Variants in TNNI3K observed in about 807,000 individuals in gnomAD.
TNNI3K encodes TNNI3 interacting kinase.
A neutral mutation model predicts 114.5 loss-of-function variants in TNNI3K; 140 were observed. That is an observed-to-expected ratio of 1.22 (90% confidence interval 1.07 to 1.41). TNNI3K has a LOEUF of 1.41. Among genes scored for constraint, TNNI3K ranks in the 40% most tolerant of loss-of-function variants. The pLI is 0.00. For synonymous variants in TNNI3K, 347 were observed against 347.5 expected, an observed-to-expected ratio of 1.00 and a Z score of 0.02; for missense variants, 1,125 against 1,007.6, an observed-to-expected ratio of 1.12 and a Z score of -1.58.
chr1:74,321,260 T>G (rs1377284007), intron 5 of TNNI3K, among the ~76,000 whole-genome samples: 1 of 152,162 alleles, frequency 6.6e-6, no homozygotes, highest in Non-Finnish European at 1.5e-5. Flanking sequence ...GATGGTTAAC[T>G]GAACAACACA....
intron 23 of TNNI3K, among the ~76,000 whole-genome samples, chr1:74,496,604 G>T (rs1669337982): frequency 6.6e-6 from 1 of 151,918 alleles, no homozygotes; most frequent in South Asian, 2.1e-4. Context: ...TTGTATATTT[G>T]TTTCTAATTA....
At chr1:74,303,155 C>T (rs1658426621) in intron 5 of TNNI3K, among the ~76,000 whole-genome samples, 1 of 152,140 alleles carries the variant, frequency 6.6e-6, no homozygotes, top group South Asian at 2.1e-4. Flanking sequence ...GCCTGGATGA[C>T]AGCCCATCTG....
Position 74,331,649 on chromosome 1 carries a change from G to C in TNNI3K, c.543+101G>C, listed in dbSNP as rs1660212285. The C allele has an allele frequency of 2.7e-6, 3 of 1,098,516 alleles. No individual in the cohort carries two copies. In the African/African-American group the frequency reaches 4.8e-5, roughly 18 times the overall value. 68.0% of individuals were successfully genotyped at this position (1,098,516 alleles called of 1,614,324 possible). ...AAGAGTTTATATTTAAAATATATTT[G>C]AATTATTTTTGCCATATTCTCATCA... On this transcript the variant is annotated intron_variant, in intron 6 of 24. Transcript: ENST00000326637.
At chr1:74,242,346 T>C (rs1458277674) in intron 2 of TNNI3K, among the ~76,000 whole-genome samples, 1 of 152,272 alleles carries the variant, frequency 6.6e-6, no homozygotes, top group South Asian at 2.1e-4. Context: ...AATAAAAAAA[T>C]GTTTTCTGAG....
At chr1:74,413,305 A>C (rs184125038) in intron 17 of TNNI3K, among the ~76,000 whole-genome samples, 36 of 152,302 alleles carry the variant, frequency 2.4e-4, no homozygotes, top group African/African-American at 6.7e-4. Context: ...AACAACATTA[A>C]ATATAATTTA....
intron 15 of TNNI3K, 29 bp from the exon 16 acceptor site, chr1:74,369,362 T>C (rs750428270): frequency 8.7e-6 from 14 of 1,606,708 alleles, no homozygotes; most frequent in Admixed American, 1.7e-5. Context: ...ATCTGTTTAC[T>C]GAAGATTTTC....
At chr1:74,314,754 C>A (rs1020359490) in intron 5 of TNNI3K, among the ~76,000 whole-genome samples, 2 of 152,040 alleles carry the variant, frequency 1.3e-5, no homozygotes, top group African/African-American at 4.8e-5. Context: ...ATGTAATTGT[C>A]TTTGTTTCCT....
chr1:74,379,063 T>C (rs971910910), intron 17 of TNNI3K, among the ~76,000 whole-genome samples: 1 of 152,042 alleles, frequency 6.6e-6, no homozygotes, highest in African/African-American at 2.4e-5. Context: ...AAGCATGCTA[T>C]ATATGAATTA....
In TNNI3K at chr1:74,442,874, C is replaced by T. The variant is rs146015228; in HGVS notation, c.2011+3252C>T. 3.6e-3 allele frequency among the ~76,000 whole-genome samples: 542 copies of T among 152,098 alleles called. 3 individuals are homozygous for T. The highest frequency in any genetic ancestry group is 0.013 in the African/African-American group (520 of 41,488). ...ATTAAGAAACTCATTAAAAATCACACGACTACATGAAAATTCAAAACCTGC... is the reference window on the plus strand; with the variant it reads ...ATTAAGAAACTCATTAAAAATCACATGACTACATGAAAATTCAAAACCTGC... On this transcript the variant is annotated intron_variant, in intron 20 of 24. Transcript: ENST00000326637.
intron 4 of TNNI3K, among the ~76,000 whole-genome samples, chr1:74,260,686 T>A (rs1476556536): frequency 6.6e-6 from 1 of 152,116 alleles, no homozygotes; most frequent in Non-Finnish European, 1.5e-5. Flanking sequence ...GTTTTTCATT[T>A]TGCATAGAAA....
chr1:74,538,011 T>C (rs1646680520), intron 23 of TNNI3K, among the ~76,000 whole-genome samples: 1 of 152,158 alleles, frequency 6.6e-6, no homozygotes, highest in Admixed American at 6.6e-5. Flanking sequence ...GCCAAGATAG[T>C]AAGTGATGGT....
intron 20 of TNNI3K, among the ~76,000 whole-genome samples, chr1:74,458,616 C>G (rs1227856167): frequency 6.6e-6 from 1 of 152,154 alleles, no homozygotes; most frequent in Non-Finnish European, 1.5e-5. Context: ...GCCCTATTCT[C>G]TAAACATAAT....
At chr1:74,406,432 C>A (rs1180098233) in intron 17 of TNNI3K, among the ~76,000 whole-genome samples, 2 of 152,124 alleles carry the variant, frequency 1.3e-5, no homozygotes, top group African/African-American at 4.8e-5. Flanking sequence ...ATTGGGCACC[C>A]CTGCTCTAGA....
At chr1:74,458,138 A>G (rs1306060453) in intron 20 of TNNI3K, among the ~76,000 whole-genome samples, 1 of 152,176 alleles carries the variant, frequency 6.6e-6, no homozygotes, top group Non-Finnish European at 1.5e-5. Flanking sequence ...CTGGAGCTCC[A>G]TGTATACTAT....
intron 23 of TNNI3K, among the ~76,000 whole-genome samples, chr1:74,521,378 T>A (rs1307897377): frequency 1.3e-5 from 2 of 152,148 alleles, no homozygotes; most frequent in Non-Finnish European, 2.9e-5. Context: ...TGTAAGTCAC[T>A]TAAAACAATA....
intron 5 of TNNI3K, among the ~76,000 whole-genome samples, chr1:74,306,973 A>T (rs517169): frequency 1.3e-5 from 2 of 152,204 alleles, no homozygotes; most frequent in African/African-American, 4.8e-5. Context: ...AGGTCTTCTC[A>T]TAGGGCTTTT....
chr1:74,405,086 C>T (rs1466864795), intron 17 of TNNI3K, among the ~76,000 whole-genome samples: 4 of 152,138 alleles, frequency 2.6e-5, no homozygotes, highest in Non-Finnish European at 5.9e-5. Context: ...TTGGCATCTA[C>T]AGAAACACAG....
At chr1:74,471,142 T>A (rs1667913033) in intron 21 of TNNI3K, 1 of 400,628 alleles carries the variant, frequency 2.5e-6, no homozygotes, top group Admixed American at 4.4e-5. Context: ...GCCAGCTGAG[T>A]AACAGCTGCT....
At chr1:74,486,589 C>T (rs1233494383) in intron 21 of TNNI3K, among the ~76,000 whole-genome samples, 1 of 146,964 alleles carries the variant, frequency 6.8e-6, no homozygotes, top group Admixed American at 6.9e-5. Flanking sequence ...TAATTAATTG[C>T]ATGTATGAGT....
Sources: allele counts gnomAD v4.1 joint callset (sites outside exome capture counted in the v4.1 genomes callset), GRCh38; gene constraint gnomAD v4.1.1; transcripts MANE v1.5; gene names NCBI Gene and HGNC (gene_info 2026-07-23, HGNC 2026-07-21).